CSMD1: variants seen among roughly 807,000 people sequenced by gnomAD.
The protein encoded by CSMD1 is CUB and sushi domain-containing protein 1.
A neutral mutation model predicts 417.5 loss-of-function variants in CSMD1; 213 were observed. That is an observed-to-expected ratio of 0.51 (90% CI 0.46 to 0.57). CSMD1 has a LOEUF of 0.57. Among genes scored for constraint, CSMD1 ranks in the 20% least tolerant of loss-of-function variants. The probability of loss-of-function intolerance (pLI) is 0.00; values close to 1 mark genes in which losing one functional copy is unlikely to be tolerated. For missense variants in CSMD1, 6,923 were observed against 4,529.7 expected, an observed-to-expected ratio of 1.53 and a Z score of -15.17; for synonymous variants, 2,862 against 1,736.8, an observed-to-expected ratio of 1.65 and a Z score of -16.11.
chr8:3,582,030 G>C (rs1055510264), intron 9 of CSMD1, among the ~76,000 whole-genome samples: 4 of 152,132 alleles, frequency 2.6e-5, no homozygotes, highest in African/African-American at 9.7e-5. Context: ...CCTGACCTCA[G>C]GTGATCTGCC....
intron 3 of CSMD1, among the ~76,000 whole-genome samples, chr8:4,401,300 A>G (rs988079650): frequency 6.6e-6 from 1 of 152,174 alleles, no homozygotes. Flanking sequence ...GTGCTTTTAT[A>G]ATATTTCTAC....
At chr8:3,991,861 C>G (rs377218963) in intron 5 of CSMD1, among the ~76,000 whole-genome samples, 3 of 152,068 alleles carry the variant, frequency 2.0e-5, no homozygotes, top group Non-Finnish European at 4.4e-5. Flanking sequence ...ACTTTGAAGC[C>G]TATTTTTCTC....
At chr8:3,759,803 G>A (rs1002405403) in intron 5 of CSMD1, among the ~76,000 whole-genome samples, 7 of 151,184 alleles carry the variant, frequency 4.6e-5, no homozygotes, top group Admixed American at 1.3e-4. Context: ...AGCTACTCGG[G>A]AAGATGAGGG....
chr8:3,273,630 G>T (rs955459822), intron 26 of CSMD1, among the ~76,000 whole-genome samples: 5 of 152,192 alleles, frequency 3.3e-5, no homozygotes, highest in African/African-American at 1.2e-4. Context: ...GGTCTATTCA[G>T]AGATTCAACT....
intron 3 of CSMD1, among the ~76,000 whole-genome samples, chr8:4,409,878 A>G (rs1326002645): frequency 6.6e-6 from 1 of 151,834 alleles, no homozygotes; most frequent in Non-Finnish European, 1.5e-5. Context: ...TAATGGTGCA[A>G]TCTTGGCTCA....
At chr8:4,253,410 A>AT (rs61308018) in intron 3 of CSMD1, among the ~76,000 whole-genome samples, 8 of 151,966 alleles carry the variant, frequency 5.3e-5, no homozygotes, top group Admixed American at 3.3e-4. Context: ...AAATTTATAT[A>AT]TTTTTTTCCC....
intron 1 of CSMD1, among the ~76,000 whole-genome samples, chr8:4,717,654 G>C (rs1808771160): frequency 6.6e-6 from 1 of 151,904 alleles, no homozygotes; most frequent in Admixed American, 6.6e-5. Flanking sequence ...GCACTGGTGT[G>C]AGTGGGAAGG....
chr8:4,935,386 C>G (rs1807545067), intron 1 of CSMD1, among the ~76,000 whole-genome samples: 1 of 152,212 alleles, frequency 6.6e-6, no homozygotes, highest in Non-Finnish European at 1.5e-5. Flanking sequence ...TGCACATGCA[C>G]CTCAAAAGCC....
At chr8:4,595,445 C>T (rs1047560452) in intron 2 of CSMD1, among the ~76,000 whole-genome samples, 1 of 143,974 alleles carries the variant, frequency 6.9e-6, no homozygotes, top group Non-Finnish European at 1.5e-5. Context: ...AATGGAAAGG[C>T]CTGGTAAGAC....
chr8:4,756,683 A>C lies in CSMD1; in HGVS notation c.86-119125T>G, dbSNP rs139331222. ...CAGAAAAAATAGAAGCTAGACAGTC[A>C]ATTTCTAGTTTTCACCCCATGGTTC... On this transcript the variant is annotated intron_variant, in intron 1 of 69. Transcript: ENST00000635120. Among the ~76,000 whole-genome samples the C allele has an allele frequency of 1.0e-3, 156 of 152,306 alleles. 3 individuals carry two copies. Among genetic ancestry groups the C allele is most frequent in the African/African-American group, 3.6e-3 (148 of 41,570 alleles).
At chr8:3,616,509 G>C (rs188619243) in intron 8 of CSMD1, among the ~76,000 whole-genome samples, 54 of 152,098 alleles carry the variant, frequency 3.6e-4, no homozygotes, top group African/African-American at 1.3e-3. Flanking sequence ...TGTGAGAAGG[G>C]ACTAATACAG....
rs114715490 is a variant in CSMD1 at position 3,181,039 on chromosome 8, G to A, written c.5725+71C>T. On this transcript the variant is annotated intron_variant, in intron 37 of 69. Coordinates refer to ENST00000635120, the MANE Select transcript of CSMD1 (RefSeq NM_033225.6). Reference sequence around the variant, plus strand: ...ATATTTCACTGTTTAATAAGAGCATGATTTATTTTTTCTTTAAAAAAATGA... The same window carrying A: ...ATATTTCACTGTTTAATAAGAGCATAATTTATTTTTTCTTTAAAAAAATGA... 2,236 of 905,508 alleles carry A rather than the reference G, an allele frequency of 2.5e-3. 36 individuals carry two copies. In the African/African-American group the frequency reaches 0.031, roughly 13 times the overall value. The allele number at this position is 905,508 out of a possible 1,614,324, so 56.1% of individuals were successfully genotyped here.
At chr8:3,989,719 T>C (rs985259544) in intron 5 of CSMD1, among the ~76,000 whole-genome samples, 1 of 152,240 alleles carries the variant, frequency 6.6e-6, no homozygotes, top group African/African-American at 2.4e-5. Flanking sequence ...ACTTAGATAC[T>C]TGTATTTACT....
At chr8:4,182,507 T>C (rs1798435184) in intron 3 of CSMD1, among the ~76,000 whole-genome samples, 1 of 152,134 alleles carries the variant, frequency 6.6e-6, no homozygotes, top group Admixed American at 6.5e-5. Context: ...ATTAGCGAAA[T>C]GTTGGACGGG....
intron 5 of CSMD1, among the ~76,000 whole-genome samples, chr8:3,879,830 C>T (rs56296964): frequency 0.23 from 35,104 of 151,542 alleles, 5,372 homozygotes; most frequent in African/African-American, 0.44. Flanking sequence ...TACCGGTGTG[C>T]GTGTGCGTGT....
At chr8:4,562,929 T>C (rs1798415152) in intron 2 of CSMD1, among the ~76,000 whole-genome samples, 1 of 152,150 alleles carries the variant, frequency 6.6e-6, no homozygotes, top group Non-Finnish European at 1.5e-5. Flanking sequence ...ATAAAAAAAT[T>C]AACTCTACTT....
intron 41 of CSMD1, among the ~76,000 whole-genome samples, chr8:3,138,274 C>G (rs773676694): frequency 6.6e-6 from 1 of 152,158 alleles, no homozygotes; most frequent in Non-Finnish European, 1.5e-5. Context: ...AATAAGGCAG[C>G]TTCCTTCTGG....
Position 3,249,877 on chromosome 8 carries a change from A to G in CSMD1, c.4154-19646T>C, listed in dbSNP as rs1585793996. 2.0e-5 allele frequency among the ~76,000 whole-genome samples: 3 copies of G among 152,308 alleles called. No individual in the cohort carries two copies. The South Asian group carries it at 6.2e-4, about 32-fold the overall frequency. ...CTGTGTTTCTATGAAATGTTTAGAA[A>G]TGGATCGAAAATGCTATTGCAAAGC... On this transcript the variant is annotated intron_variant, in intron 26 of 69. Transcript: ENST00000635120.
intron 25 of CSMD1, among the ~76,000 whole-genome samples, chr8:3,304,581 G>T (rs1304729419): frequency 1.3e-5 from 2 of 152,118 alleles, no homozygotes; most frequent in South Asian, 2.1e-4. Flanking sequence ...TTATTGGGAA[G>T]AAGTTTATGC....
Sources: gnomAD v4.1 joint callset for allele counts (sites outside exome capture counted in the v4.1 genomes callset) on GRCh38, gnomAD v4.1.1 for gene constraint, MANE v1.5 for transcripts, NCBI Gene and HGNC (gene_info 2026-07-23, HGNC 2026-07-21) for gene names.